GLI2: variants seen among roughly 807,000 people sequenced by gnomAD.
The protein encoded by GLI2 is transcription activator GLI2.
GLI2 carries 22 observed loss-of-function variants against 78.9 expected under a neutral mutation model. The ratio of observed to expected loss-of-function variants is 0.28; its 90% CI spans 0.20 to 0.40. The LOEUF is 0.40. Among genes scored for constraint, GLI2 ranks in the 10% least tolerant of loss-of-function variants. GLI2 has a pLI of 1.00. For missense variants in GLI2, 2,097 were observed against 2,213.2 expected, an observed-to-expected ratio of 0.95 and a Z score of 1.05; for synonymous variants, 974 against 963.7, an observed-to-expected ratio of 1.01 and a Z score of -0.20.
intron 2 of GLI2, among the ~76,000 whole-genome samples, chr2:120,916,317 C>T (rs919115773): frequency 8.5e-5 from 13 of 152,324 alleles, no homozygotes; most frequent in Middle Eastern, 3.4e-3. Flanking sequence ...TGCTTTGCAC[C>T]GGGGCTTACA....
intron 8 of GLI2, among the ~76,000 whole-genome samples, chr2:120,974,713 C>T (rs914519196): frequency 4.6e-5 from 7 of 152,188 alleles, no homozygotes; most frequent in Non-Finnish European, 1.0e-4. Flanking sequence ...GGCCCCAGGA[C>T]AGGCCATCTG....
At chr2:120,907,145 C>G (rs1355400798) in intron 2 of GLI2, among the ~76,000 whole-genome samples, 1 of 152,162 alleles carries the variant, frequency 6.6e-6, no homozygotes, top group African/African-American at 2.4e-5. Context: ...GCTGCCTTGC[C>G]GCTGATGCTC....
At chr2:120,806,182 T>A (rs543861051) in intron 2 of GLI2, among the ~76,000 whole-genome samples, 4 of 152,286 alleles carry the variant, frequency 2.6e-5, no homozygotes, top group African/African-American at 7.2e-5. Flanking sequence ...ATTTATTTTA[T>A]GTTTGTGGCC....
intron 10 of GLI2, among the ~76,000 whole-genome samples, chr2:120,981,005 G>C (rs374170164): frequency 2.0e-5 from 3 of 151,716 alleles, no homozygotes; most frequent in Non-Finnish European, 2.9e-5. Context: ...CTCAGCCTCC[G>C]GAGTAGCTGG....
chr2:120,789,611 G>A (rs1684091552), intron 1 of GLI2, among the ~76,000 whole-genome samples: 1 of 152,186 alleles, frequency 6.6e-6, no homozygotes, highest in Non-Finnish European at 1.5e-5. Context: ...ATACTGCCTT[G>A]GACTTTGAAG....
At chr2:120,878,212 A>T (rs909424178) in intron 2 of GLI2, among the ~76,000 whole-genome samples, 3 of 152,228 alleles carry the variant, frequency 2.0e-5, no homozygotes, top group Non-Finnish European at 4.4e-5. Context: ...GATATTCATT[A>T]TGTGTATCCT....
At chr2:120,859,826 A>T (rs1382334211) in intron 2 of GLI2, among the ~76,000 whole-genome samples, 2 of 148,722 alleles carry the variant, frequency 1.3e-5, no homozygotes, top group Non-Finnish European at 3.0e-5. Context: ...GCACAATCTC[A>T]GCTCACTGCA....
At chr2:120,764,745 ACT>A (rs1391936046) in intron 1 of GLI2, among the ~76,000 whole-genome samples, 1 of 152,192 alleles carries the variant, frequency 6.6e-6, no homozygotes, top group African/African-American at 2.4e-5. Context: ...TATTTCGAAG[ACT>A]CTGAAAAATC....
intron 10 of GLI2, among the ~76,000 whole-genome samples, chr2:120,980,579 A>AT (rs1325488046): frequency 2.6e-5 from 4 of 152,064 alleles, no homozygotes; most frequent in Non-Finnish European, 5.9e-5. Flanking sequence ...CATTCTCTGG[A>AT]TTTTCTTTTC....
In GLI2 at chr2:120,988,506, G is replaced by C; in HGVS notation, c.2541G>C (p.Arg847=). ...SYDPISTDAS[R]RSSEASQCSG... ...ACCCCATCTCCACGGACGCGTCGCG[G>C]CGCTCGAGCGAGGCCAGCCAGTGCA... is the stretch of plus-strand genomic sequence containing the variant. The change falls in exon 14 of 14, where the codon CGG becomes CGC. Residue 847 remains arginine (R), a synonymous_variant. Transcript: ENST00000361492. 3 of 1,527,204 alleles carry C rather than the reference G, an allele frequency of 2.0e-6. No individual in the cohort carries two copies. The East Asian group carries it at 7.8e-5, about 40-fold the overall frequency. The allele number at this position is 1,527,204 out of a possible 1,614,324, so 94.6% of individuals were successfully genotyped here. A position where few individuals can be genotyped will look rare whatever the true frequency, so the allele number is the denominator to read the frequency against.
chr2:120,892,718 G>C (rs1470907754), intron 2 of GLI2, among the ~76,000 whole-genome samples: 2 of 152,186 alleles, frequency 1.3e-5, no homozygotes, highest in African/African-American at 2.4e-5. Flanking sequence ...AAATACCCCA[G>C]CTCCCTCACC....
chr2:120,877,312 A>G (rs551808904), intron 2 of GLI2, among the ~76,000 whole-genome samples: 3 of 152,088 alleles, frequency 2.0e-5, no homozygotes, highest in South Asian at 2.1e-4. Flanking sequence ...GATATTTGAG[A>G]AAGTTTTAAA....
intron 1 of GLI2, among the ~76,000 whole-genome samples, chr2:120,786,028 G>A (rs1386848081): frequency 6.6e-6 from 1 of 151,874 alleles, no homozygotes; most frequent in African/African-American, 2.4e-5. Flanking sequence ...GGAGAAGACA[G>A]AGGGGTTAGA....
intron 2 of GLI2, among the ~76,000 whole-genome samples, chr2:120,821,375 G>A (rs1390981770): frequency 2.0e-5 from 3 of 152,196 alleles, no homozygotes; most frequent in African/African-American, 7.2e-5. Flanking sequence ...GCAGAACACT[G>A]GGTGAACTTC....
intron 1 of GLI2, among the ~76,000 whole-genome samples, chr2:120,796,302 G>A (rs1036138058): frequency 4.6e-5 from 7 of 151,986 alleles, no homozygotes; most frequent in Non-Finnish European, 1.0e-4. Context: ...CAGCTCCACC[G>A]CCACCTGCTT....
At chr2:120,758,429 G>A (rs1683102250) in intron 1 of GLI2, among the ~76,000 whole-genome samples, 1 of 152,194 alleles carries the variant, frequency 6.6e-6, no homozygotes, top group Non-Finnish European at 1.5e-5. Flanking sequence ...TGGCTGGGAG[G>A]CCTGGCTTCC....
intron 3 of GLI2, among the ~76,000 whole-genome samples, chr2:120,933,569 G>C (rs1023752212): frequency 1.3e-5 from 2 of 152,228 alleles, no homozygotes; most frequent in African/African-American, 2.4e-5. Flanking sequence ...TAACAGGAAA[G>C]AGAAGCTCTT....
At position 120,803,988 on chromosome 2, in the gene GLI2, C is replaced by T. The variant is rs116609031; in HGVS notation, c.148+6520C>T. Among the ~76,000 whole-genome samples, 835 of 152,254 alleles carry T rather than the reference C, an allele frequency of 5.5e-3. 9 individuals are homozygous for T. Among genetic ancestry groups the T allele is most frequent in the African/African-American group, 0.019 (774 of 41,538 alleles). The stretch of plus-strand genomic sequence containing the variant: ...GCACTAGACGACTTTCAGCAGAGCG[C>T]TCCAGTGTTCCAGGAGGCGTGTGTG... On this transcript the variant is annotated intron_variant, in intron 2 of 13. Transcript: ENST00000361492.
At chr2:120,898,494 T>A (rs1175226100) in intron 2 of GLI2, among the ~76,000 whole-genome samples, 2 of 152,028 alleles carry the variant, frequency 1.3e-5, no homozygotes, top group African/African-American at 4.8e-5. Context: ...CAGCTCGGAG[T>A]GCAGAGCCAT....
Sources: gnomAD v4.1 joint callset for allele counts (sites outside exome capture counted in the v4.1 genomes callset) on GRCh38, gnomAD v4.1.1 for gene constraint, MANE v1.5 for transcripts, NCBI Gene and HGNC (gene_info 2026-07-23, HGNC 2026-07-21) for gene names.